The following SLC71A1 variants were observed in gnomAD, a reference collection of about 807,000 sequenced individuals.
SLC71A1 encodes the protein hippocampus abundant gene transcript 1.
At chr1:100,049,497 G>A in the SLC71A1 span, among the ~76,000 whole-genome samples, 113 of 152,142 alleles carry the variant, frequency 7.4e-4, no homozygotes, top group African/African-American at 2.7e-3. Context: ...TACACCCAAC[G>A]TGCAGCCCAT....
chr1:100,042,949 T>C, the SLC71A1 span: 1 of 265,514 alleles, frequency 3.8e-6, no homozygotes, highest in Non-Finnish European at 5.8e-6. Flanking sequence ...AGGGTGTTTA[T>C]ATTGTCTTTG....
At chr1:100,054,282 C>T in the SLC71A1 span, among the ~76,000 whole-genome samples, 9 of 151,964 alleles carry the variant, frequency 5.9e-5, no homozygotes. Context: ...GGCACTATCT[C>T]GGCTCACTGC....
At chr1:100,078,865 T>C in the SLC71A1 span, 10 of 193,528 alleles carry the variant, frequency 5.2e-5, no homozygotes, top group Non-Finnish European at 1.1e-4. Context: ...AGTTCAGGAG[T>C]TGGAGACCAG....
the SLC71A1 span, among the ~76,000 whole-genome samples, chr1:100,073,530 A>G: frequency 2.0e-5 from 3 of 152,146 alleles, no homozygotes; most frequent in Non-Finnish European, 1.5e-5. Flanking sequence ...TCTCACTTCA[A>G]AAGGCCTTCC....
chr1:100,066,057 G>A, the SLC71A1 span, among the ~76,000 whole-genome samples: 7 of 152,268 alleles, frequency 4.6e-5, no homozygotes, highest in Admixed American at 4.6e-4. Flanking sequence ...AATGTCTGCG[G>A]TTAACAGGTT....
the SLC71A1 span, among the ~76,000 whole-genome samples, chr1:100,048,415 A>G: frequency 6.6e-6 from 1 of 152,046 alleles, no homozygotes; most frequent in Non-Finnish European, 1.5e-5. Flanking sequence ...CTTGACCTCA[A>G]GTGATCTGCC....
chr1:100,052,734 T>A, the SLC71A1 span, among the ~76,000 whole-genome samples: 1 of 151,380 alleles, frequency 6.6e-6, no homozygotes, highest in Non-Finnish European at 1.5e-5. Flanking sequence ...CTGGCCAATA[T>A]ATTCTTATTA....
At chr1:100,065,572 TCTTTTCCCTTCCCTTCCCTTCCCTTCCC>T in the SLC71A1 span, among the ~76,000 whole-genome samples, 6 of 146,552 alleles carry the variant, frequency 4.1e-5, no homozygotes, top group African/African-American at 1.5e-4. Context: ...TTTCCTTTTC[TCTTTTCCCTTCCCTTCCCTTCCCTTCCC>T]CTTTTCCCTT....
chr1:100,064,516 C>T, the SLC71A1 span, among the ~76,000 whole-genome samples: 2 of 152,206 alleles, frequency 1.3e-5, no homozygotes, highest in African/African-American at 4.8e-5. Flanking sequence ...TCCCTCAGCC[C>T]TGTTTGCCAT....
At chr1:100,069,280 CCTT>C in the SLC71A1 span, among the ~76,000 whole-genome samples, 9 of 152,216 alleles carry the variant, frequency 5.9e-5, no homozygotes, top group Admixed American at 1.3e-4. Flanking sequence ...GTATTTTCCT[CCTT>C]GACACTAGTC....
chr1:100,055,345 ATT>A, the SLC71A1 span, among the ~76,000 whole-genome samples: 23 of 140,224 alleles, frequency 1.6e-4, no homozygotes, highest in African/African-American at 1.8e-4. Context: ...CTTTTTTGCA[ATT>A]TTTTTTTTTT....
At chr1:100,050,056 C>T in the SLC71A1 span, 8 of 982,930 alleles carry the variant, frequency 8.1e-6, no homozygotes, top group Non-Finnish European at 1.3e-5. Flanking sequence ...TCTTCTTCTT[C>T]AGTTTTGGAG....
the SLC71A1 span, among the ~76,000 whole-genome samples, chr1:100,043,724 C>T: frequency 2.0e-5 from 3 of 152,194 alleles, no homozygotes; most frequent in Non-Finnish European, 4.4e-5. Flanking sequence ...AAGCTTCCCC[C>T]CCATCCTCAA....
the SLC71A1 span, among the ~76,000 whole-genome samples, chr1:100,062,914 T>TAAA: frequency 9.6e-3 from 1,114 of 116,086 alleles, 21 homozygotes; most frequent in African/African-American, 0.034. Context: ...TGTCTCTATT[T>TAAA]AAAAAAAAAA....
At chr1:100,065,338 A>C in the SLC71A1 span, among the ~76,000 whole-genome samples, 2 of 152,236 alleles carry the variant, frequency 1.3e-5, no homozygotes, top group African/African-American at 4.8e-5. Flanking sequence ...GCAAGTAAGC[A>C]TTCTTGTGAA....
At chr1:100,058,489 A>G in the SLC71A1 span, among the ~76,000 whole-genome samples, 5 of 152,224 alleles carry the variant, frequency 3.3e-5, no homozygotes, top group African/African-American at 1.2e-4. Flanking sequence ...GTGCCCTGTG[A>G]CATATTAAGT....
the SLC71A1 span, among the ~76,000 whole-genome samples, chr1:100,045,038 T>C: frequency 6.6e-6 from 1 of 152,174 alleles, no homozygotes; most frequent in Non-Finnish European, 1.5e-5. Context: ...TTCTGTGAAG[T>C]ATGATGCTGG....
At chr1:100,069,444 T>G in the SLC71A1 span, among the ~76,000 whole-genome samples, 1 of 152,232 alleles carries the variant, frequency 6.6e-6, no homozygotes, top group Non-Finnish European at 1.5e-5. Context: ...GTAGGCATTT[T>G]TAGTATGTTA....
At chr1:100,076,366 T>A in the SLC71A1 span, among the ~76,000 whole-genome samples, 2 of 152,190 alleles carry the variant, frequency 1.3e-5, no homozygotes, top group South Asian at 4.1e-4. Context: ...CAAAAAAAAA[T>A]TTTCTAATGT....
Sources: gnomAD v4.1 joint callset for allele counts (sites outside exome capture counted in the v4.1 genomes callset) on GRCh38, gnomAD v4.1.1 for gene constraint, MANE v1.5 for transcripts, NCBI Gene and HGNC (gene_info 2026-07-23, HGNC 2026-07-21) for gene names.